Variants in RANBP2 observed in about 807,000 individuals in gnomAD.
The protein encoded by RANBP2 is RAN binding protein 2, also known as E3 SUMO-protein ligase RanBP2.
Under a neutral mutation model 303.6 loss-of-function variants are expected in RANBP2, and 57 were observed. That is an observed-to-expected ratio of 0.19 (90% CI 0.15 to 0.23). RANBP2 has a LOEUF of 0.23. Ranked by LOEUF, RANBP2 falls within the 10% of genes least tolerant of loss-of-function variation. The pLI is 1.00. For missense variants in RANBP2, 3,138 were observed against 3,780.8 expected, an observed-to-expected ratio of 0.83 and a Z score of 4.46; for synonymous variants, 1,167 against 1,301.5, an observed-to-expected ratio of 0.90 and a Z score of 2.23.
the RANBP2 span, among the ~76,000 whole-genome samples, chr2:109,392,365 T>A: frequency 1.3e-5 from 2 of 152,132 alleles, no homozygotes; most frequent in Non-Finnish European, 1.5e-5. Flanking sequence ...TTGGAACAGG[T>A]CACTTAACCT....
chr2:108,813,115 G>A, the RANBP2 span, among the ~76,000 whole-genome samples: 2 of 151,828 alleles, frequency 1.3e-5, no homozygotes, highest in Admixed American at 1.3e-4. Context: ...CAGGCATGGT[G>A]GCACACGCCT....
chr2:109,519,075 T>C, the RANBP2 span, among the ~76,000 whole-genome samples: 4,219 of 151,974 alleles, frequency 0.028, 215 homozygotes, highest in African/African-American at 0.096. Flanking sequence ...CCCGCCACCA[T>C]GCCTGGCTAA....
rs542470208 is a variant in RANBP2 at position 108,721,894 on chromosome 2, A to T, written c.72+2216A>T. ...GTAGCTGAGACTACAGGCATGTGCC[A>T]CCATGCCCGGCTTTTTTCTTTAATG... On this transcript the variant is annotated intron_variant, in intron 1 of 28. Coordinates refer to ENST00000283195, the MANE Select transcript of RANBP2 (RefSeq NM_006267.5). Among the ~76,000 whole-genome samples the T allele has an allele frequency of 5.3e-5, 8 of 151,662 alleles. No individual in the cohort carries two copies. The South Asian group carries it at 1.7e-3, about 32-fold the overall frequency.
rs75566461 is a variant in RANBP2, at chr2:108,772,050, A to G, written c.8020+179A>G. ...GGATATAGTGATCAAAAGGACTGCA[A>G]TCATTAAGCAAGCATTTTTTGGATG... is the stretch of plus-strand genomic sequence containing the variant. On this transcript the variant is annotated intron_variant, in intron 21 of 28. Transcript: ENST00000283195. Among the ~76,000 whole-genome samples, 1,271 of 152,324 alleles carry G rather than the reference A, an allele frequency of 8.3e-3. 19 individuals carry two copies. Among genetic ancestry groups the G allele is most frequent in the African/African-American group, 0.03 (1,230 of 41,570 alleles).
At chr2:109,700,476 G>C in the RANBP2 span, among the ~76,000 whole-genome samples, 4 of 152,100 alleles carry the variant, frequency 2.6e-5, no homozygotes, top group Admixed American at 1.3e-4. Flanking sequence ...GGAAGGAAGC[G>C]GGGAGGGCGC....
the RANBP2 span, among the ~76,000 whole-genome samples, chr2:109,334,667 A>G: frequency 6.6e-6 from 1 of 152,196 alleles, no homozygotes; most frequent in Non-Finnish European, 1.5e-5. Context: ...TAATGCAGAC[A>G]AGAGGGAAAG....
At chr2:109,159,065 C>G in the RANBP2 span, among the ~76,000 whole-genome samples, 15 of 152,174 alleles carry the variant, frequency 9.9e-5, no homozygotes, top group Non-Finnish European at 2.2e-4. Flanking sequence ...TGCAGTGAAC[C>G]CAGATCGCAC....
the RANBP2 span, chr2:109,616,177 TGAG>T: frequency 2.9e-6 from 4 of 1,391,084 alleles, no homozygotes; most frequent in Non-Finnish European, 2.8e-6. Context: ...CATTCTTACT[TGAG>T]GGATCGGAAT....
At chr2:109,123,100 G>A in the RANBP2 span, among the ~76,000 whole-genome samples, 1 of 152,160 alleles carries the variant, frequency 6.6e-6, no homozygotes, top group Non-Finnish European at 1.5e-5. Flanking sequence ...GATCATGGAA[G>A]ACTGCAGGGA....
At chr2:108,979,514 C>T in the RANBP2 span, among the ~76,000 whole-genome samples, 6 of 151,780 alleles carry the variant, frequency 4.0e-5, no homozygotes, top group African/African-American at 1.2e-4. Context: ...TGGCACACCC[C>T]AGGAGCTGAA....
chr2:108,732,093 A>C (rs146576496), intron 4 of RANBP2, among the ~76,000 whole-genome samples: 276 of 152,330 alleles, frequency 1.8e-3, no homozygotes, highest in African/African-American at 6.3e-3. Context: ...AATGTTTTAT[A>C]TATTAATGTA....
chr2:109,584,927 G>T, the RANBP2 span, among the ~76,000 whole-genome samples: 1 of 152,108 alleles, frequency 6.6e-6, no homozygotes, highest in Non-Finnish European at 1.5e-5. Flanking sequence ...TTATTCTAAA[G>T]AAATTAGACA....
the RANBP2 span, among the ~76,000 whole-genome samples, chr2:109,356,946 C>T: frequency 3.3e-5 from 5 of 152,242 alleles, no homozygotes; most frequent in South Asian, 4.2e-4. Context: ...TGGACTGTTC[C>T]GTGATGGTCC....
At chr2:109,207,240 A>G in the RANBP2 span, among the ~76,000 whole-genome samples, 5 of 152,166 alleles carry the variant, frequency 3.3e-5, no homozygotes, top group South Asian at 2.1e-4. Context: ...ATGAGTTACA[A>G]TTATTATTTC....
At chr2:109,455,063 AC>A in the RANBP2 span, among the ~76,000 whole-genome samples, 1 of 152,168 alleles carries the variant, frequency 6.6e-6, no homozygotes, top group Admixed American at 6.5e-5. Flanking sequence ...AGGCTCAGAG[AC>A]CTTCAGAGAC....
At chr2:109,760,782 G>A in the RANBP2 span, among the ~76,000 whole-genome samples, 3 of 141,496 alleles carry the variant, frequency 2.1e-5, no homozygotes, top group African/African-American at 7.7e-5. Flanking sequence ...GTAAGTCCCC[G>A]TGCCGGCCGC....
At chr2:109,348,122 G>A in the RANBP2 span, among the ~76,000 whole-genome samples, 5 of 152,152 alleles carry the variant, frequency 3.3e-5, no homozygotes, top group Non-Finnish European at 5.9e-5. Flanking sequence ...TCCATGAATG[G>A]GGTGATGGTT....
chr2:108,837,367 A>G, the RANBP2 span, among the ~76,000 whole-genome samples: 3 of 152,218 alleles, frequency 2.0e-5, no homozygotes, highest in African/African-American at 7.2e-5. Context: ...CCGTCCTTGC[A>G]TTGCAAGAAT....
chr2:109,120,589 A>G, the RANBP2 span, among the ~76,000 whole-genome samples: 1 of 148,196 alleles, frequency 6.7e-6, no homozygotes, highest in African/African-American at 2.5e-5. Flanking sequence ...GTTCACGTCC[A>G]TCAAAAAGGC....
Sources: gnomAD v4.1 joint callset for allele counts (sites outside exome capture counted in the v4.1 genomes callset) on GRCh38, gnomAD v4.1.1 for gene constraint, MANE v1.5 for transcripts, NCBI Gene and HGNC (gene_info 2026-07-23, HGNC 2026-07-21) for gene names.